UGGT2: variants seen among roughly 807,000 people sequenced by gnomAD.
The protein encoded by UGGT2 is UDP-glucose:glycoprotein glucosyltransferase 2.
A neutral mutation model predicts 192.1 loss-of-function variants in UGGT2; 180 were observed. The ratio of observed to expected loss-of-function variants is 0.94; its 90% CI spans 0.83 to 1.06. The LOEUF is 1.06. Among genes scored for constraint, UGGT2 ranks in the 50% least tolerant of loss-of-function variants. The probability of loss-of-function intolerance (pLI) is 0.00; values close to 1 mark genes in which losing one functional copy is unlikely to be tolerated. For missense variants in UGGT2, 1,849 were observed against 1,795.7 expected (o/e 1.03, Z -0.54); for synonymous variants, 580 against 591.0 (o/e 0.98, Z 0.27).
At chr13:95,824,501 T>A (rs1885815653) in intron 38 of UGGT2, among the ~76,000 whole-genome samples, 2 of 152,116 alleles carry the variant, frequency 1.3e-5, no homozygotes, top group African/African-American at 4.8e-5. Context: ...GATTCCTTTT[T>A]ATCTTTGTCT....
At chr13:95,885,633 G>A (rs993280943) in intron 26 of UGGT2, among the ~76,000 whole-genome samples, 2 of 152,204 alleles carry the variant, frequency 1.3e-5, no homozygotes, top group African/African-American at 4.8e-5. Context: ...CTTTCAGAGT[G>A]TGAGTCCCAG....
intron 38 of UGGT2, among the ~76,000 whole-genome samples, chr13:95,815,808 C>T (rs890404435): frequency 6.6e-6 from 1 of 152,164 alleles, no homozygotes; most frequent in Non-Finnish European, 1.5e-5. Flanking sequence ...TGTGTCCTCA[C>T]CAAATCTCAT....
intron 17 of UGGT2, among the ~76,000 whole-genome samples, chr13:95,930,059 T>G (rs1459596836): frequency 6.6e-6 from 1 of 152,230 alleles, no homozygotes; most frequent in South Asian, 2.1e-4. Context: ...CTTTATATGC[T>G]TGTTGGCCGC....
chr13:95,827,436 G>T (rs1213774718), intron 38 of UGGT2, among the ~76,000 whole-genome samples: 1 of 152,096 alleles, frequency 6.6e-6, no homozygotes, highest in Non-Finnish European at 1.5e-5. Context: ...AGACACATAA[G>T]GAAAAGAAAG....
chr13:96,008,120 G>A (rs1162094537), intron 5 of UGGT2, among the ~76,000 whole-genome samples: 2 of 152,174 alleles, frequency 1.3e-5, no homozygotes, highest in South Asian at 4.1e-4. Flanking sequence ...CAGGACATTG[G>A]TCTGGGCAAA....
chr13:95,845,197 A>C, intron 36 of UGGT2, among the ~76,000 whole-genome samples: 1 of 151,310 alleles, frequency 6.6e-6, no homozygotes, highest in Non-Finnish European at 1.5e-5. Context: ...TTTAGTATTT[A>C]TTGATCATTC....
intron 38 of UGGT2, among the ~76,000 whole-genome samples, chr13:95,802,520 G>T (rs1418057818): frequency 6.6e-6 from 1 of 152,202 alleles, no homozygotes. Flanking sequence ...CGAGGGAAGT[G>T]GTTACAAGAC....
At chr13:95,835,147 A>G (rs1305723415) in intron 37 of UGGT2, among the ~76,000 whole-genome samples, 2 of 152,202 alleles carry the variant, frequency 1.3e-5, no homozygotes, top group South Asian at 2.1e-4. Flanking sequence ...GCACATCTCA[A>G]TTCAGAATAG....
intron 12 of UGGT2, among the ~76,000 whole-genome samples, chr13:95,950,832 CAG>C (rs1270789675): frequency 6.6e-6 from 1 of 151,976 alleles, no homozygotes. Flanking sequence ...GCAGAAGAGA[CAG>C]GGATTAGTAA....
At position 95,837,178 on chromosome 13, in the gene UGGT2, G is replaced by A. The variant is rs962844833; in HGVS notation, c.4309C>T (p.Gln1437Ter). The change falls in exon 37 of 39, where the codon CAA (glutamine) becomes TAA (stop). Residue 1437 changes from glutamine (Q) to a stop codon, truncating the protein, a stop_gained. Transcript: ENST00000376747. LOFTEE classifies it high-confidence loss of function. ...TGAGGAAGAGACTTAATGGCGACTT[G>A]GTAAATCATATTATTGGGGAGATCC... ...DQDLPNNMIYQVAIKSLPQDW... is the reference protein window; with the variant it reads ...DQDLPNNMIY 6.2e-7 allele frequency: 1 copy of A among 1,613,374 alleles called. No individual in the cohort carries two copies. Among genetic ancestry groups the A allele is most frequent in the African/African-American group, 1.3e-5 (1 of 74,806 alleles).
In UGGT2 at chr13:96,053,353, C is replaced by CA. The variant is rs1491326423; in HGVS notation, c.-42dup. 5.8e-6 allele frequency: 9 copies of CA among 1,558,274 alleles called. No individual in the cohort carries two copies. The highest frequency in any genetic ancestry group is 7.7e-6 in the Non-Finnish European group (9 of 1,164,922). ...GCGCGAGTCCCTCGGACCCGGTACC[C>CA]ACAGTCTGTGGCCGCCACGCTTCGG... On this transcript the variant is annotated 5_prime_UTR_variant, in exon 1 of 39. Transcript: ENST00000376747.
intron 24 of UGGT2, among the ~76,000 whole-genome samples, chr13:95,894,004 A>C (rs753984447): frequency 1.3e-5 from 2 of 152,114 alleles, no homozygotes; most frequent in Non-Finnish European, 2.9e-5. Flanking sequence ...TTCTCAGGAG[A>C]TCTAGAGAAC....
intron 4 of UGGT2, among the ~76,000 whole-genome samples, chr13:96,020,318 T>C (rs1252226258): frequency 6.6e-6 from 1 of 152,110 alleles, no homozygotes; most frequent in African/African-American, 2.4e-5. Flanking sequence ...GGTGGCACTA[T>C]TGTACTTAGA....
intron 20 of UGGT2, among the ~76,000 whole-genome samples, chr13:95,921,995 A>G (rs2048859093): frequency 6.6e-6 from 1 of 152,232 alleles, no homozygotes; most frequent in African/African-American, 2.4e-5. Context: ...TCACAGTACT[A>G]TTCACAATGG....
At chr13:95,975,698 A>G (rs558730632) in intron 10 of UGGT2, among the ~76,000 whole-genome samples, 3 of 152,316 alleles carry the variant, frequency 2.0e-5, no homozygotes, top group African/African-American at 7.2e-5. Context: ...AGAAATTCCA[A>G]TTGATTGGAT....
chr13:95,937,879 G>A (rs565637081), intron 16 of UGGT2, among the ~76,000 whole-genome samples: 1 of 152,326 alleles, frequency 6.6e-6, no homozygotes, highest in South Asian at 2.1e-4. Flanking sequence ...TGGTTTGGCT[G>A]TGTCCCCACC....
intron 38 of UGGT2, among the ~76,000 whole-genome samples, chr13:95,806,036 T>TAAA (rs35951474): frequency 0.012 from 997 of 84,758 alleles, 16 homozygotes; most frequent in African/African-American, 0.041. Flanking sequence ...AAGAGATTAT[T>TAAA]AAAAAAAAAA....
chr13:95,947,824 T>G (rs1246012331), intron 14 of UGGT2, among the ~76,000 whole-genome samples, 172 bp downstream of exon 14: 1 of 152,164 alleles, frequency 6.6e-6, no homozygotes, highest in Non-Finnish European at 1.5e-5. Flanking sequence ...ACAGATTTGA[T>G]AAACAGAGTC....
At chr13:95,851,214 G>A (rs889803179) in intron 36 of UGGT2, among the ~76,000 whole-genome samples, 1 of 152,180 alleles carries the variant, frequency 6.6e-6, no homozygotes, top group Non-Finnish European at 1.5e-5. Flanking sequence ...CTGATGGAGG[G>A]AATGGTGGAA....
Sources: gnomAD v4.1 joint callset for allele counts (sites outside exome capture counted in the v4.1 genomes callset) on GRCh38, gnomAD v4.1.1 for gene constraint, MANE v1.5 for transcripts, NCBI Gene and HGNC (gene_info 2026-07-23, HGNC 2026-07-21) for gene names.